The following USH2A variants were observed in gnomAD, a reference collection of about 807,000 sequenced individuals.
The protein encoded by USH2A is usherin.
Under a neutral mutation model 538.9 loss-of-function variants are expected in USH2A, and 443 were observed. The ratio of observed to expected loss-of-function variants is 0.82; its 90% confidence interval spans 0.76 to 0.89. The LOEUF is 0.89. Ranked by LOEUF, USH2A falls within the 40% of genes least tolerant of loss-of-function variation. The pLI, the probability that USH2A is intolerant of heterozygous loss-of-function variation, is 0.00. For missense variants in USH2A, 6,633 were observed against 6,324.8 expected, an observed-to-expected ratio of 1.05 and a Z score of -1.65; for synonymous variants, 2,413 against 2,273.5, an observed-to-expected ratio of 1.06 and a Z score of -1.75.
chr1:216,019,710 C>A (rs1668802011), intron 32 of USH2A, among the ~76,000 whole-genome samples: 1 of 152,058 alleles, frequency 6.6e-6, no homozygotes, highest in African/African-American at 2.4e-5. Context: ...GAGAGCGTCA[C>A]CCATTTAATT....
chr1:215,887,323 C>T (rs1665085495), intron 41 of USH2A, among the ~76,000 whole-genome samples: 1 of 151,826 alleles, frequency 6.6e-6, no homozygotes, highest in Non-Finnish European at 1.5e-5. Flanking sequence ...CAAAGTTTTA[C>T]AAAACTCCCC....
chr1:216,024,592 A>G (rs924295392), intron 32 of USH2A, among the ~76,000 whole-genome samples: 1 of 152,076 alleles, frequency 6.6e-6, no homozygotes, highest in Admixed American at 6.5e-5. Flanking sequence ...TCTAAAACAT[A>G]TAGTTAAATT....
chr1:216,087,681 C>A (rs1321483803), intron 23 of USH2A, among the ~76,000 whole-genome samples: 2 of 152,092 alleles, frequency 1.3e-5, no homozygotes, highest in Non-Finnish European at 2.9e-5. Context: ...AGTTTACCAA[C>A]CCCTATTCTG....
chr1:216,118,538 T>G (rs935992172), intron 21 of USH2A, among the ~76,000 whole-genome samples: 4 of 152,174 alleles, frequency 2.6e-5, no homozygotes, highest in Non-Finnish European at 5.9e-5. Flanking sequence ...AAATCCTTAC[T>G]CTATTCAAGA....
chr1:215,999,450 A>G (rs1668215720), intron 33 of USH2A, among the ~76,000 whole-genome samples: 1 of 152,202 alleles, frequency 6.6e-6, no homozygotes, highest in Non-Finnish European at 1.5e-5. Context: ...TTAATATGTA[A>G]TTAGAGAAAA....
intron 55 of USH2A, among the ~76,000 whole-genome samples, chr1:215,778,674 C>T (rs1470032151): frequency 1.3e-5 from 2 of 152,050 alleles, no homozygotes. Flanking sequence ...AAGTGCAGTC[C>T]AATGGAAGGA....
chr1:215,764,262 G>A (rs527894826), intron 56 of USH2A, among the ~76,000 whole-genome samples: 2 of 152,146 alleles, frequency 1.3e-5, no homozygotes, highest in East Asian at 3.9e-4. Flanking sequence ...GTGTGTAAAC[G>A]TTAAAAGAAG....
At chr1:216,285,282 C>A (rs1420554197) in intron 11 of USH2A, among the ~76,000 whole-genome samples, 1 of 152,232 alleles carries the variant, frequency 6.6e-6, no homozygotes, top group Non-Finnish European at 1.5e-5. Flanking sequence ...CGTGTCCCAA[C>A]TGCTCCAGCT....
intron 47 of USH2A, among the ~76,000 whole-genome samples, chr1:215,832,034 T>C (rs1358576126): frequency 6.6e-6 from 1 of 151,896 alleles, no homozygotes; most frequent in African/African-American, 2.4e-5. Context: ...GCTAATAAAT[T>C]TGACAAATTT....
Position 215,845,907 on chromosome 1 carries a change from G to T in USH2A, c.8972C>A (p.Thr2991Lys). The T allele has an allele frequency of 6.2e-7, 1 of 1,613,944 alleles. No homozygotes were observed. The highest frequency in any genetic ancestry group is 8.5e-7 in the Non-Finnish European group (1 of 1,179,954). Residue 2991 changes from threonine (T) to lysine (K), a missense_variant, in exon 45 of 72, where the codon ACA becomes AAA. Coordinates refer to ENST00000307340, the MANE Select transcript of USH2A (RefSeq NM_206933.4). ...SHVIGHLKPN[T>K]EYWIFISVFN... is the part of the protein sequence containing the mutation. The stretch of plus-strand genomic sequence containing the variant: ...GACAGAGATAAAGATCCAATACTCT[G>T]TGTTTGGCTTTAGGTGGCCAATGAC...
intron 26 of USH2A, among the ~76,000 whole-genome samples, chr1:216,082,373 A>T (rs545975745): frequency 4.0e-5 from 6 of 151,780 alleles, no homozygotes; most frequent in South Asian, 2.1e-4. Flanking sequence ...ACAAATATTT[A>T]AAAAAGCAGA....
At chr1:215,902,142 C>T (rs1665518130) in intron 38 of USH2A, among the ~76,000 whole-genome samples, 4 of 152,076 alleles carry the variant, frequency 2.6e-5, no homozygotes. Context: ...TTCCTAATGA[C>T]CACAAATTAC....
intron 4 of USH2A, among the ~76,000 whole-genome samples, chr1:216,354,298 C>G (rs1214857926): frequency 1.3e-5 from 2 of 152,100 alleles, no homozygotes; most frequent in Non-Finnish European, 2.9e-5. Flanking sequence ...CCACCTCTTT[C>G]ATTCTTTTAC....
In USH2A at chr1:216,154,908, A is replaced by G. The variant is rs149695138; in HGVS notation, c.4627+20344T>C. On this transcript the variant is annotated intron_variant, in intron 21 of 71. Coordinates refer to ENST00000307340, the MANE Select transcript of USH2A (RefSeq NM_206933.4). ...GCGTATGTGTGTGCCAGCCTTTTGT[A>G]TGTACAAATTGTTTCATTTCCCTTA... Among the ~76,000 whole-genome samples the G allele has an allele frequency of 9.8e-3, 1,334 of 136,488 alleles. 19 individuals are homozygous for G. The highest frequency in any genetic ancestry group is 0.032 in the African/African-American group (1,193 of 37,206). 89.5% of individuals were successfully genotyped at this position (136,488 alleles called of 152,430 possible). A position where few individuals can be genotyped will look rare whatever the true frequency, so the allele number is the denominator to read the frequency against.
chr1:216,247,597 GT>G (rs2036078300), intron 12 of USH2A, among the ~76,000 whole-genome samples: 1 of 152,090 alleles, frequency 6.6e-6, no homozygotes, highest in Non-Finnish European at 1.5e-5. Context: ...CAAATTAGTT[GT>G]TTTTCTAAAG....
Position 215,813,915 on chromosome 1 carries a change from GA to G in USH2A, c.9571-12del. 6.2e-7 allele frequency: 1 copy of G among 1,613,336 alleles called. No homozygotes were observed. Among genetic ancestry groups the G allele is most frequent in the South Asian group, 1.1e-5 (1 of 91,034 alleles). Reference sequence around the variant, plus strand: ...TCCGTTACAACAAACCTGAAAGTTTGAAAACAGTTTTAAAGAAATATCAGTT... The same window carrying G: ...TCCGTTACAACAAACCTGAAAGTTTGAAACAGTTTTAAAGAAATATCAGTT... On this transcript the variant is annotated splice_polypyrimidine_tract_variant and intron_variant, in intron 48 of 71. Transcript: ENST00000307340.
At chr1:216,090,721 C>T (rs2032279889) in intron 22 of USH2A, among the ~76,000 whole-genome samples, 1 of 152,032 alleles carries the variant, frequency 6.6e-6, no homozygotes, top group Admixed American at 6.6e-5. Context: ...AATTAATGTG[C>T]CCTGGTAGCA....
intron 61 of USH2A, among the ~76,000 whole-genome samples, chr1:215,693,885 A>C (rs1052450796): frequency 1.3e-5 from 2 of 152,200 alleles, no homozygotes; most frequent in Non-Finnish European, 2.9e-5. Context: ...CTACATGTTG[A>C]GTACTGCTTA....
intron 37 of USH2A, among the ~76,000 whole-genome samples, chr1:215,938,786 T>C (rs934332369): frequency 1.1e-4 from 16 of 152,126 alleles, no homozygotes; most frequent in Admixed American, 5.9e-4. Context: ...CATTGGGCTT[T>C]AACTGGGGGT....
Sources: allele counts gnomAD v4.1 joint callset (sites outside exome capture counted in the v4.1 genomes callset), GRCh38; gene constraint gnomAD v4.1.1; transcripts MANE v1.5; gene names NCBI Gene and HGNC (gene_info 2026-07-23, HGNC 2026-07-21).